PRRX1: variants seen among roughly 807,000 people sequenced by gnomAD.
The protein encoded by PRRX1 is paired related homeobox 1, also known as paired mesoderm homeobox protein 1.
In PRRX1, 8 loss-of-function variants were observed where a neutral mutation model predicts 24.0. That is an observed-to-expected ratio of 0.33 (90% CI 0.20 to 0.60). The LOEUF is 0.60. Among genes scored for constraint, PRRX1 ranks in the 20% least tolerant of loss-of-function variants. The pLI is 0.82. For missense variants in PRRX1, 281 were observed against 322.4 expected (o/e 0.87, Z 0.98); for synonymous variants, 160 against 131.7 (o/e 1.22, Z -1.47).
chr1:170,664,615 A>T (rs1375100298), intron 1 of PRRX1, among the ~76,000 whole-genome samples, 156 bp downstream of exon 1: 1 of 152,192 alleles, frequency 6.6e-6, no homozygotes, highest in East Asian at 1.9e-4. Context: ...TCACAGGGGA[A>T]ACCAGATGAG....
chr1:170,714,784 C>T (rs2101913813), intron 1 of PRRX1, among the ~76,000 whole-genome samples: 1 of 152,282 alleles, frequency 6.6e-6, no homozygotes, highest in Non-Finnish European at 1.5e-5. Flanking sequence ...TCTAGGGCAA[C>T]TTCAGCAGCC....
At chr1:170,674,022 G>C (rs987807563) in intron 1 of PRRX1, among the ~76,000 whole-genome samples, 1 of 152,164 alleles carries the variant, frequency 6.6e-6, no homozygotes, top group East Asian at 1.9e-4. Flanking sequence ...ACAAATGCTA[G>C]TGTATTTTTC....
At chr1:170,681,565 C>T (rs933900127) in intron 1 of PRRX1, among the ~76,000 whole-genome samples, 5 of 150,586 alleles carry the variant, frequency 3.3e-5, no homozygotes, top group African/African-American at 1.2e-4. Context: ...AAGTCAATTA[C>T]AGGGCTCAGT....
At chr1:170,709,024 A>G (rs1307659413) in intron 1 of PRRX1, among the ~76,000 whole-genome samples, 1 of 152,190 alleles carries the variant, frequency 6.6e-6, no homozygotes, top group Non-Finnish European at 1.5e-5. Flanking sequence ...GAAGTACCCA[A>G]AATATGGAAG....
chr1:170,712,155 C>A (rs181593129), intron 1 of PRRX1, among the ~76,000 whole-genome samples: 1 of 152,198 alleles, frequency 6.6e-6, no homozygotes, highest in African/African-American at 2.4e-5. Context: ...GTACCAATTG[C>A]TTATCCGTCT....
chr1:170,664,088 CCTCTCT>C, upstream of PRRX1: 11 of 661,256 alleles, frequency 1.7e-5, no homozygotes, highest in South Asian at 7.2e-5. Context: ...CCTCTTCCTC[CCTCTCT>C]CTCTCTCTCT....
intron 1 of PRRX1, among the ~76,000 whole-genome samples, chr1:170,684,705 A>G (rs1010012274): frequency 4.6e-5 from 7 of 152,166 alleles, no homozygotes; most frequent in Non-Finnish European, 2.9e-5. Flanking sequence ...GTGAGCCAAG[A>G]TCATGCCACT....
At chr1:170,704,951 C>G (rs567970299) in intron 1 of PRRX1, among the ~76,000 whole-genome samples, 6 of 152,264 alleles carry the variant, frequency 3.9e-5, no homozygotes, top group Non-Finnish European at 7.4e-5. Flanking sequence ...TCTAGAGGGA[C>G]CCATAAAACT....
rs923708475 is a variant in PRRX1 at position 170,736,267 on chromosome 1, C to T, written c.*81C>T. ...TCCTGCTCTGTTATTTCTTCATCTG[C>T]TGGGGGGAAAAAGTAAATTACAAAC... On this transcript the variant is annotated 3_prime_UTR_variant, in exon 4 of 4. Coordinates refer to ENST00000239461, the MANE Select transcript of PRRX1 (RefSeq NM_022716.4). 59 of 1,555,262 alleles carry T rather than the reference C, an allele frequency of 3.8e-5. No individual in the cohort carries two copies. The East Asian group carries it at 1.3e-3, about 33-fold the overall frequency.
At chr1:170,701,270 A>G (rs1453661553) in intron 1 of PRRX1, among the ~76,000 whole-genome samples, 1 of 152,136 alleles carries the variant, frequency 6.6e-6, no homozygotes, top group Non-Finnish European at 1.5e-5. Context: ...ACTTGCTTAT[A>G]TATCTGTTTT....
At chr1:170,687,132 CT>C (rs961365120) in intron 1 of PRRX1, among the ~76,000 whole-genome samples, 159 of 143,904 alleles carry the variant, frequency 1.1e-3, no homozygotes, top group Admixed American at 2.0e-3. Context: ...CTCTCTCTCT[CT>C]TTTTTTTTTA....
rs555930962 is a variant in PRRX1, at chr1:170,736,434, T to A, written c.*248T>A. Reference sequence around the variant, plus strand: ...TTTCTGTGTGTGTTTATTTTGTTTTTCTTTCATTCATGCTTTGCTTAATGT... The same window carrying A: ...TTTCTGTGTGTGTTTATTTTGTTTTACTTTCATTCATGCTTTGCTTAATGT... On this transcript the variant is annotated 3_prime_UTR_variant, in exon 4 of 4. Transcript: ENST00000239461. 7.3e-6 allele frequency: 4 copies of A among 544,406 alleles called. No individual in the cohort carries two copies. Among genetic ancestry groups the A allele is most frequent in the Non-Finnish European group, 1.3e-5 (4 of 307,070 alleles). 33.7% of individuals were successfully genotyped at this position (544,406 alleles called of 1,614,324 possible).
chr1:170,730,960 T>C (rs1429121823), intron 3 of PRRX1, among the ~76,000 whole-genome samples: 1 of 152,106 alleles, frequency 6.6e-6, no homozygotes, highest in Non-Finnish European at 1.5e-5. Context: ...AAATGAAAAG[T>C]TAAACATAGC....
intron 1 of PRRX1, among the ~76,000 whole-genome samples, chr1:170,673,852 A>C (rs544830070): frequency 5.8e-4 from 89 of 152,300 alleles, no homozygotes; most frequent in African/African-American, 1.8e-3. Context: ...AAATAATTTG[A>C]ATTCATCTAC....
intron 3 of PRRX1, chr1:170,730,232 T>G: frequency 6.7e-7 from 1 of 1,490,604 alleles, no homozygotes; most frequent in Non-Finnish European, 9.4e-7. Context: ...TGACATCTGC[T>G]GAACGCATTT....
rs747088223 is a variant in PRRX1, at chr1:170,726,412, G to A, written c.599+11G>A. 1 of 1,612,956 alleles carries A rather than the reference G, an allele frequency of 6.2e-7. No individual in the cohort carries two copies. Among genetic ancestry groups the A allele is most frequent in the South Asian group, 1.1e-5 (1 of 91,046 alleles). ...AGCGTCTCCGTACAGGTGAATGACTGGCCCACTCTCCCTTGCTCCACTTCC... is the reference window on the plus strand; with the variant it reads ...AGCGTCTCCGTACAGGTGAATGACTAGCCCACTCTCCCTTGCTCCACTTCC... On this transcript the variant is annotated intron_variant, in intron 3 of 3. Transcript: ENST00000239461.
chr1:170,692,312 C>T (rs780019393), intron 1 of PRRX1, among the ~76,000 whole-genome samples: 6 of 152,050 alleles, frequency 3.9e-5, no homozygotes, highest in Non-Finnish European at 7.4e-5. Context: ...TGTTTCAATA[C>T]TTTTGATTAA....
At chr1:170,718,817 G>A (rs577923526) in intron 1 of PRRX1, among the ~76,000 whole-genome samples, 8 of 152,148 alleles carry the variant, frequency 5.3e-5, no homozygotes, top group Non-Finnish European at 1.2e-4. Flanking sequence ...TGGGCTGGGT[G>A]GGGGCAGCAG....
intron 1 of PRRX1, among the ~76,000 whole-genome samples, chr1:170,692,024 A>G (rs1207864700): frequency 6.6e-6 from 1 of 152,112 alleles, no homozygotes; most frequent in Non-Finnish European, 1.5e-5. Context: ...CCTGTCCTTT[A>G]GGAAACTTAA....
Sources: gnomAD v4.1 joint callset for allele counts (sites outside exome capture counted in the v4.1 genomes callset) on GRCh38, gnomAD v4.1.1 for gene constraint, MANE v1.5 for transcripts, NCBI Gene and HGNC (gene_info 2026-07-23, HGNC 2026-07-21) for gene names.